EHMT1: variants seen among roughly 807,000 people sequenced by gnomAD.
EHMT1 encodes euchromatic histone lysine methyltransferase 1, also known as histone-lysine N-methyltransferase EHMT1.
In EHMT1, 15 loss-of-function variants were observed where a neutral mutation model predicts 147.2. The ratio of observed to expected loss-of-function variants is 0.10; its 90% CI spans 0.07 to 0.16. EHMT1 has a LOEUF of 0.16. Among genes scored for constraint, EHMT1 ranks in the 10% least tolerant of loss-of-function variants. EHMT1 has a pLI of 1.00. For synonymous variants in EHMT1, 795 were observed against 709.6 expected (o/e 1.12, Z -1.91); for missense variants, 1,587 against 1,772.4 (o/e 0.90, Z 1.88).
At chr9:137,652,603 C>T (rs1268766283) in intron 1 of EHMT1, among the ~76,000 whole-genome samples, 2 of 150,220 alleles carry the variant, frequency 1.3e-5, no homozygotes, top group African/African-American at 4.9e-5. Context: ...CTAGGCTGGT[C>T]TTGAACTCCT....
At chr9:137,658,451 C>T (rs1044964601) in intron 1 of EHMT1, among the ~76,000 whole-genome samples, 2 of 151,754 alleles carry the variant, frequency 1.3e-5, no homozygotes, top group Non-Finnish European at 2.9e-5. Context: ...GCACCCAGCG[C>T]CCAGAATGGT....
intron 25 of EHMT1, among the ~76,000 whole-genome samples, chr9:137,822,128 C>T (rs1955465409): frequency 6.6e-6 from 1 of 152,218 alleles, no homozygotes; most frequent in East Asian, 1.9e-4. Flanking sequence ...GGATGAGTTC[C>T]ACCTGCATTC....
chr9:137,679,723 A>T (rs530544473), intron 1 of EHMT1, among the ~76,000 whole-genome samples: 1 of 152,188 alleles, frequency 6.6e-6, no homozygotes, highest in East Asian at 1.9e-4. Flanking sequence ...AGCCAAATAC[A>T]TTGGATATTT....
At chr9:137,720,828 G>A (rs188001865) in intron 3 of EHMT1, among the ~76,000 whole-genome samples, 6 of 152,152 alleles carry the variant, frequency 3.9e-5, no homozygotes, top group Non-Finnish European at 7.4e-5. Flanking sequence ...GGGCATTTAC[G>A]TACACGTTTT....
At position 137,800,933 on chromosome 9, in the gene EHMT1, C is replaced by A. The variant is rs139459283; in HGVS notation, c.2661C>A (p.Asp887Glu). 6.2e-7 allele frequency: 1 copy of A among 1,614,164 alleles called. No individual in the cohort carries two copies. The highest frequency in any genetic ancestry group is 8.5e-7 in the Non-Finnish European group (1 of 1,180,024). ...MIWATEYKHVDLVKLLLSKGS... is the reference protein window; with the variant it reads ...MIWATEYKHVELVKLLLSKGS... ...GGGCCACAGAGTACAAGCACGTGGA[C>A]CTCGTGAAGCTGCTGCTGTCCAAGG... Residue 887 changes from aspartate (D) to glutamate (E), a missense_variant, in exon 18 of 27, where the codon GAC (aspartate) becomes GAA (glutamate). This residue lies in a region of EHMT1 where 201 missense variants were observed against 350.1 expected (regional missense o/e 0.57). Transcript: ENST00000460843.
intron 1 of EHMT1, among the ~76,000 whole-genome samples, chr9:137,699,244 T>C (rs929861953): frequency 1.3e-5 from 2 of 152,262 alleles, no homozygotes; most frequent in Non-Finnish European, 2.9e-5. Flanking sequence ...TCTAATGTAG[T>C]AAAGTTAAGG....
At chr9:137,663,111 C>T (rs1316261041) in intron 1 of EHMT1, among the ~76,000 whole-genome samples, 3 of 152,164 alleles carry the variant, frequency 2.0e-5, no homozygotes. Flanking sequence ...GAATTTTTAA[C>T]CTATATTTAT....
intron 1 of EHMT1, among the ~76,000 whole-genome samples, chr9:137,651,419 T>C (rs1332232112): frequency 6.6e-6 from 1 of 152,188 alleles, no homozygotes; most frequent in Admixed American, 6.5e-5. Flanking sequence ...TATTTTGAAT[T>C]ATAGTCACAG....
At chr9:137,824,815 A>T (rs999377870) in intron 25 of EHMT1, among the ~76,000 whole-genome samples, 1 of 152,110 alleles carries the variant, frequency 6.6e-6, no homozygotes, top group Admixed American at 6.5e-5. Context: ...GAAATACTTG[A>T]TTTTTTTGTG....
At position 137,786,579 on chromosome 9, in the gene EHMT1, C is replaced by T. The variant is rs150831094; in HGVS notation, c.2382+4182C>T. On this transcript the variant is annotated intron_variant, in intron 15 of 26. Transcript: ENST00000460843. The surrounding 1 kb of genome is among the most constrained non-coding windows in gnomAD (Gnocchi z 4.3). ...ATCTCTCCCGGGCTCCGGTCTTGGTCGTGTGGAGTCATCTCTCCCGGGCTC... is the reference window on the plus strand; with the variant it reads ...ATCTCTCCCGGGCTCCGGTCTTGGTTGTGTGGAGTCATCTCTCCCGGGCTC... 8.3e-5 allele frequency: 12 copies of T among 145,204 alleles called. No homozygotes were observed. Among genetic ancestry groups the T allele is most frequent in the Non-Finnish European group, 1.1e-4 (8 of 71,352 alleles). The allele number at this position is 145,204 out of a possible 1,614,324, so 9.0% of individuals were successfully genotyped here.
At chr9:137,632,186 A>C (rs542686374) in intron 1 of EHMT1, among the ~76,000 whole-genome samples, 1 of 152,350 alleles carries the variant, frequency 6.6e-6, no homozygotes, top group East Asian at 1.9e-4. Context: ...ACTTAGATGC[A>C]GTAGATGTTA....
chr9:137,721,013 G>A (rs1200603166), intron 3 of EHMT1, among the ~76,000 whole-genome samples: 1 of 77,472 alleles, frequency 1.3e-5, no homozygotes, highest in African/African-American at 3.3e-5. Context: ...CTCCTCGCCG[G>A]CGTCCTCGCC....
chr9:137,770,570 G>C (rs1950527447), intron 10 of EHMT1, among the ~76,000 whole-genome samples: 1 of 152,172 alleles, frequency 6.6e-6, no homozygotes, highest in Admixed American at 6.5e-5. Flanking sequence ...TCGTTGTTTG[G>C]TGCTGAGCAG....
chr9:137,655,889 A>C (rs971125991), intron 1 of EHMT1, among the ~76,000 whole-genome samples: 3 of 152,202 alleles, frequency 2.0e-5, no homozygotes, highest in African/African-American at 7.2e-5. Context: ...CCTGGTGCCA[A>C]AAAGGTTGGG....
At position 137,782,967 on chromosome 9, in the gene EHMT1, G is replaced by A. The variant is rs759561464; in HGVS notation, c.2382+570G>A. Among the ~76,000 whole-genome samples the A allele has an allele frequency of 1.3e-5, 2 of 152,190 alleles. No individual in the cohort carries two copies. Among genetic ancestry groups the A allele is most frequent in the African/African-American group, 4.8e-5 (2 of 41,430 alleles). ...CCTGTGACGCCCCTTCCCTGATCCC[G>A]GTGTTGGATCCCCTGTTTCTCAAGT... On this transcript the variant is annotated intron_variant, in intron 15 of 26. Coordinates refer to ENST00000460843, the MANE Select transcript of EHMT1 (RefSeq NM_024757.5). This position sits in a 1 kb window ranked among gnomAD's most constrained non-coding sequence, Gnocchi z 5.7.
chr9:137,759,301 G>T (rs1368131076), intron 9 of EHMT1, among the ~76,000 whole-genome samples: 1 of 152,172 alleles, frequency 6.6e-6, no homozygotes, highest in Admixed American at 6.5e-5. Flanking sequence ...GTATAACACT[G>T]GGTGTTTCAG....
At chr9:137,666,911 T>C (rs910759735) in intron 1 of EHMT1, 2 of 152,188 alleles carry the variant, frequency 1.3e-5, no homozygotes, top group African/African-American at 4.8e-5. Context: ...ATTAATTAAT[T>C]GTAAATAACA....
At chr9:137,750,600 C>T (rs532314613) in intron 6 of EHMT1, among the ~76,000 whole-genome samples, 1 of 152,310 alleles carries the variant, frequency 6.6e-6, no homozygotes, top group South Asian at 2.1e-4. Flanking sequence ...GTTTTATTTT[C>T]TCCATGTTTG....
At chr9:137,825,965 T>A (rs996305654) in intron 25 of EHMT1, among the ~76,000 whole-genome samples, 2 of 152,242 alleles carry the variant, frequency 1.3e-5, no homozygotes, top group African/African-American at 4.8e-5. Context: ...AAGAGTTTCA[T>A]GAATTGTTGT....
Sources: gnomAD v4.1 joint callset for allele counts (sites outside exome capture counted in the v4.1 genomes callset) on GRCh38, gnomAD v4.1.1 for gene constraint, gnomAD v4.1.1 regional missense constraint, Gnocchi (gnomAD v3.1) non-coding constraint, MANE v1.5 for transcripts, NCBI Gene and HGNC (gene_info 2026-07-23, HGNC 2026-07-21) for gene names.